Variants in GSG1L observed in about 807,000 individuals in gnomAD.
The protein encoded by GSG1L is germ cell-specific gene 1-like protein.
Under a neutral mutation model 42.1 loss-of-function variants are expected in GSG1L, and 24 were observed. That is an observed-to-expected ratio of 0.57 (90% CI 0.41 to 0.80). GSG1L has a LOEUF of 0.80. GSG1L is among the 30% of genes least tolerant of loss of function. The pLI is 0.00. For synonymous variants in GSG1L, 215 were observed against 203.5 expected (o/e 1.06, Z -0.48); for missense variants, 445 against 472.2 (o/e 0.94, Z 0.53).
intron 3 of GSG1L, among the ~76,000 whole-genome samples, chr16:27,865,182 G>A (rs2083699127): frequency 6.6e-6 from 1 of 152,088 alleles, no homozygotes; most frequent in African/African-American, 2.4e-5. Context: ...CCATCTCCTG[G>A]GATGTCCCTT....
At position 27,788,543 on chromosome 16, in the gene GSG1L, C is replaced by A. The variant is rs1047823801; in HGVS notation, c.*2827G>T. On this transcript the variant is annotated 3_prime_UTR_variant, in exon 7 of 7. Coordinates refer to ENST00000447459, the MANE Select transcript of GSG1L (RefSeq NM_001109763.2). Reference sequence around the variant, plus strand: ...AACTGCCTCCTGACCTCCCTGCTCTCCACACCTGCCATTGGGACTATTTTA... The same window carrying A: ...AACTGCCTCCTGACCTCCCTGCTCTACACACCTGCCATTGGGACTATTTTA... 1.3e-5 allele frequency: 2 copies of A among 152,324 alleles called. No homozygotes were observed. Among genetic ancestry groups the A allele is most frequent in the Non-Finnish European group, 2.9e-5 (2 of 68,110 alleles). The allele number at this position is 152,324 out of a possible 1,614,324, so 9.4% of individuals were successfully genotyped here.
chr16:27,947,443 AAAG>A (rs547520813), intron 2 of GSG1L, among the ~76,000 whole-genome samples: 4 of 151,586 alleles, frequency 2.6e-5, no homozygotes, highest in Non-Finnish European at 5.9e-5. Flanking sequence ...GGAAGGAAGG[AAAG>A]AAGAAGGAAG....
At chr16:27,845,366 C>A (rs1418031208) in intron 3 of GSG1L, among the ~76,000 whole-genome samples, 1 of 152,204 alleles carries the variant, frequency 6.6e-6, no homozygotes, top group Non-Finnish European at 1.5e-5. Context: ...GTAGCTGGGA[C>A]TACAGGTGTA....
At position 27,809,010 on chromosome 16, in the gene GSG1L, A is replaced by G. The variant is rs186025579; in HGVS notation, c.831-1456T>C. ...TCATGTTCCCTCATTGCACACATGCATTTGTAACCCAGGTAAATTCCAGAG... is the reference window on the plus strand; with the variant it reads ...TCATGTTCCCTCATTGCACACATGCGTTTGTAACCCAGGTAAATTCCAGAG... On this transcript the variant is annotated intron_variant, in intron 5 of 6. Transcript: ENST00000447459. Among the ~76,000 whole-genome samples, 5 of 152,290 alleles carry G rather than the reference A, an allele frequency of 3.3e-5. No individual in the cohort carries two copies. The East Asian group carries it at 5.8e-4, about 18-fold the overall frequency.
intron 3 of GSG1L, among the ~76,000 whole-genome samples, chr16:27,872,351 T>A (rs1291648577): frequency 6.6e-6 from 1 of 152,234 alleles, no homozygotes; most frequent in East Asian, 1.9e-4. Context: ...GTAGACTACA[T>A]GGACCAGTCT....
chr16:27,838,451 C>T (rs958418332), intron 4 of GSG1L, among the ~76,000 whole-genome samples: 10 of 152,260 alleles, frequency 6.6e-5, no homozygotes, highest in Admixed American at 2.0e-4. Context: ...AACTGGCACA[C>T]GGAGCTGCGT....
In GSG1L at chr16:27,851,727, G is replaced by A. The variant is rs140542895; in HGVS notation, c.551-6666C>T. Among the ~76,000 whole-genome samples the A allele has an allele frequency of 1.8e-4, 28 of 152,372 alleles. No individual in the cohort carries two copies. In the East Asian group the frequency reaches 5.4e-3, roughly 29 times the overall value. On this transcript the variant is annotated intron_variant, in intron 3 of 6. Transcript: ENST00000447459. ...TGAATTTAAAGTGAGCCCAGGCAGGGCAGCTGTGGGATTCAGGTAGGGAGA... is the reference window on the plus strand; with the variant it reads ...TGAATTTAAAGTGAGCCCAGGCAGGACAGCTGTGGGATTCAGGTAGGGAGA...
rs542162255 is a variant in GSG1L at position 27,859,162 on chromosome 16, G to T, written c.551-14101C>A. ...GACACTGTCTGCCTTATCCCATTTGGAAGTGGATCTGGCTCCGTGTCTCTG... is the reference window on the plus strand; with the variant it reads ...GACACTGTCTGCCTTATCCCATTTGTAAGTGGATCTGGCTCCGTGTCTCTG... On this transcript the variant is annotated intron_variant, in intron 3 of 6. Transcript: ENST00000447459. 2.9e-3 allele frequency among the ~76,000 whole-genome samples: 438 copies of T among 151,926 alleles called. 1 individual carries two copies. Among genetic ancestry groups the T allele is most frequent in the Non-Finnish European group, 4.4e-3 (296 of 68,020 alleles).
chr16:27,808,294 C>T (rs1314840724), intron 5 of GSG1L, among the ~76,000 whole-genome samples: 1 of 152,184 alleles, frequency 6.6e-6, no homozygotes, highest in Admixed American at 6.5e-5. Flanking sequence ...GTCGTGTTGG[C>T]CAGGCTGATC....
At chr16:27,946,600 AG>A (rs1567529798) in intron 2 of GSG1L, among the ~76,000 whole-genome samples, 68 of 5,882 alleles carry the variant, frequency 0.012, 3 homozygotes, top group African/African-American at 0.051. Flanking sequence ...AGAGAGAGAG[AG>A]AGAGAGAGAG....
intron 1 of GSG1L, among the ~76,000 whole-genome samples, chr16:28,027,468 A>G (rs1424482274): frequency 1.3e-5 from 2 of 152,206 alleles, no homozygotes; most frequent in Non-Finnish European, 2.9e-5. Flanking sequence ...GAGCAGCACC[A>G]TACAATCTGG....
intron 2 of GSG1L, among the ~76,000 whole-genome samples, chr16:27,908,823 A>G (rs1396755896): frequency 6.6e-6 from 1 of 152,176 alleles, no homozygotes; most frequent in African/African-American, 2.4e-5. Context: ...TTCAAACCAC[A>G]GTGTTTTGCT....
intron 2 of GSG1L, among the ~76,000 whole-genome samples, chr16:27,922,000 C>CTTTT (rs5816454): frequency 7.5e-6 from 1 of 133,628 alleles, no homozygotes; most frequent in African/African-American, 2.8e-5. Flanking sequence ...TGTTTGTTGT[C>CTTTT]TTTTTTTTTT....
intron 3 of GSG1L, among the ~76,000 whole-genome samples, chr16:27,881,553 T>G (rs1457003623): frequency 6.6e-6 from 1 of 152,174 alleles, no homozygotes; most frequent in Admixed American, 6.5e-5. Flanking sequence ...TATCATACTT[T>G]TGAAGGAGTG....
rs10544246 is a variant in GSG1L at position 27,821,908 on chromosome 16, G to GTAAA, written c.830+6877_830+6880dup. On this transcript the variant is annotated intron_variant, in intron 5 of 6. Transcript: ENST00000447459. ...GACTGAGCGAGAGTGTCTCAAAAAA[G>GTAAA]TAAATAAATAAATAAATAAATAAAT... Among the ~76,000 whole-genome samples the GTAAA allele has an allele frequency of 6.0e-3, 907 of 150,086 alleles. 13 individuals are homozygous for GTAAA. The highest frequency in any genetic ancestry group is 0.018 in the African/African-American group (732 of 40,628).
At chr16:27,920,885 G>C (rs113953936) in intron 2 of GSG1L, among the ~76,000 whole-genome samples, 1,591 of 152,328 alleles carry the variant, frequency 0.01, 29 homozygotes, top group African/African-American at 0.035. Flanking sequence ...AGAATGCAGG[G>C]AGCTGGGAAT....
intron 1 of GSG1L, among the ~76,000 whole-genome samples, chr16:27,978,159 T>C (rs939316708): frequency 6.6e-6 from 1 of 152,144 alleles, no homozygotes; most frequent in Non-Finnish European, 1.5e-5. Flanking sequence ...CTTCCAGGAA[T>C]CCACCACAGA....
chr16:28,059,778 G>A lies in GSG1L; in HGVS notation c.349+3298C>T, dbSNP rs933774580. Reference sequence around the variant, plus strand: ...TGGGGTGACTCTGTGTCGAGGCCACGCTTCCCTTTCTGTTTGTGGAAGGAC... The same window carrying A: ...TGGGGTGACTCTGTGTCGAGGCCACACTTCCCTTTCTGTTTGTGGAAGGAC... On this transcript the variant is annotated intron_variant, in intron 1 of 6. Transcript: ENST00000447459. This position sits in a 1 kb window ranked among gnomAD's most constrained non-coding sequence, Gnocchi z 4.4. Among the ~76,000 whole-genome samples, 3 of 152,152 alleles carry A rather than the reference G, an allele frequency of 2.0e-5. No individual in the cohort carries two copies. Among genetic ancestry groups the A allele is most frequent in the Admixed American group, 6.5e-5 (1 of 15,276 alleles).
intron 1 of GSG1L, among the ~76,000 whole-genome samples, chr16:27,978,113 C>G (rs1323104690): frequency 6.6e-6 from 1 of 152,226 alleles, no homozygotes; most frequent in Non-Finnish European, 1.5e-5. Flanking sequence ...TGCCATGAAA[C>G]GGAGAGCCTG....
Sources: allele counts gnomAD v4.1 joint callset (sites outside exome capture counted in the v4.1 genomes callset), GRCh38; gene constraint gnomAD v4.1.1; non-coding constraint Gnocchi (gnomAD v3.1); transcripts MANE v1.5; gene names NCBI Gene and HGNC (gene_info 2026-07-23, HGNC 2026-07-21).